CISTR: variants seen among roughly 807,000 people sequenced by gnomAD.
CISTR encodes the protein chondrogenesis-associated transcript.
At chr12:53,748,943 G>A (rs944499430) in intron 2 of CISTR, among the ~76,000 whole-genome samples, 18 of 152,028 alleles carry the variant, frequency 1.2e-4, no homozygotes, top group African/African-American at 2.7e-4. Flanking sequence ...TCAGGTGGGC[G>A]GGGAGGCCTA....
chr12:53,749,341 G>T (rs1937819701), intron 2 of CISTR, among the ~76,000 whole-genome samples: 1 of 151,912 alleles, frequency 6.6e-6, no homozygotes, highest in Non-Finnish European at 1.5e-5. Flanking sequence ...GGAGCAGAGA[G>T]TGCCTCTAAC....
At chr12:53,754,124 A>G (rs913499935) in intron 1 of CISTR, among the ~76,000 whole-genome samples, 9 of 152,098 alleles carry the variant, frequency 5.9e-5, no homozygotes, top group African/African-American at 1.7e-4. Context: ...GGGATGGATA[A>G]TGGGAAGATG....
chr12:53,753,748 G>A (rs191809612), intron 1 of CISTR, among the ~76,000 whole-genome samples: 129 of 152,006 alleles, frequency 8.5e-4, no homozygotes, highest in African/African-American at 3.0e-3. Context: ...TGAGGAGACC[G>A]AGGCAGGGAG....
At chr12:53,754,558 A>C (rs1316526239) in intron 1 of CISTR, 1 of 152,256 alleles carries the variant, frequency 6.6e-6, no homozygotes, top group African/African-American at 2.4e-5. Flanking sequence ...CTATAAAATG[A>C]CAACACTAAT....
intron 1 of CISTR, among the ~76,000 whole-genome samples, chr12:53,755,308 GGTGTGTGTGTGTGT>G (rs3058893): frequency 4.8e-4 from 71 of 147,244 alleles, no homozygotes; most frequent in African/African-American, 1.6e-3. Context: ...TCCTGTTTGG[GGTGTGTGTGTGTGT>G]GTGTGTGTGT....
rs1168988636 is a variant in CISTR, at chr12:53,751,362, C to T, written n.415-397G>A. On this transcript the variant is annotated intron_variant and non_coding_transcript_variant, in intron 1 of 2. Transcript: ENST00000669269. This position sits in a 1 kb window ranked among gnomAD's most constrained non-coding sequence, Gnocchi z 4.6. Reference sequence around the variant, plus strand: ...TCCTTTGGCAGTGGGAAGGGGTGTGCGTGGGTGTCCTCTCCTTCACTCTTT... The same window carrying T: ...TCCTTTGGCAGTGGGAAGGGGTGTGTGTGGGTGTCCTCTCCTTCACTCTTT... 2.0e-5 allele frequency among the ~76,000 whole-genome samples: 3 copies of T among 152,096 alleles called. No individual in the cohort carries two copies. The highest frequency in any genetic ancestry group is 4.4e-5 in the Non-Finnish European group (3 of 67,998).
intron 2 of CISTR, among the ~76,000 whole-genome samples, chr12:53,749,653 C>T (rs1479900633): frequency 6.6e-6 from 1 of 152,126 alleles, no homozygotes. Flanking sequence ...GCTGCAGGTG[C>T]CTGGGTCATT....
intron 2 of CISTR, among the ~76,000 whole-genome samples, chr12:53,749,387 G>A (rs951522519): frequency 6.6e-6 from 1 of 151,756 alleles, no homozygotes; most frequent in Non-Finnish European, 1.5e-5. Flanking sequence ...GAGAGAGGGG[G>A]CTGTTGAGAG....
At chr12:53,750,813 C>CGT (rs770103086) in exon 2 of CISTR, 1 of 152,636 alleles carries the variant, frequency 6.6e-6, no homozygotes. Flanking sequence ...GTTTTGCGCG[C>CGT]GTGTGTGTGT....
intron 2 of CISTR, among the ~76,000 whole-genome samples, chr12:53,747,618 TA>T (rs1371831083): frequency 6.6e-6 from 1 of 152,082 alleles, no homozygotes; most frequent in Non-Finnish European, 1.5e-5. Context: ...GATACTGAGT[TA>T]CTGGGGGTGG....
chr12:53,754,845 G>A (rs1040744191), intron 1 of CISTR, among the ~76,000 whole-genome samples: 1 of 152,062 alleles, frequency 6.6e-6, no homozygotes, highest in Non-Finnish European at 1.5e-5. Context: ...GCACTAAAAG[G>A]ATCTGTTTAC....
chr12:53,752,196 C>CCT (rs1937860446), intron 1 of CISTR, among the ~76,000 whole-genome samples: 1 of 152,228 alleles, frequency 6.6e-6, no homozygotes, highest in Non-Finnish European at 1.5e-5. Context: ...CTCTCTCCAC[C>CCT]CTCTGTCTCT....
intron 1 of CISTR, among the ~76,000 whole-genome samples, chr12:53,754,089 G>A (rs1375792815): frequency 6.6e-6 from 1 of 152,118 alleles, no homozygotes; most frequent in East Asian, 1.9e-4. Context: ...CAAACACAAA[G>A]AGGGAGGAGA....
chr12:53,753,221 A>C (rs1372142400), intron 1 of CISTR, among the ~76,000 whole-genome samples: 1 of 152,112 alleles, frequency 6.6e-6, no homozygotes, highest in Non-Finnish European at 1.5e-5. Flanking sequence ...AGCGAGTCGC[A>C]CACCTTCCCC....
chr12:53,747,876 C>T (rs777644553), intron 2 of CISTR, among the ~76,000 whole-genome samples: 23 of 152,054 alleles, frequency 1.5e-4, no homozygotes, highest in Non-Finnish European at 2.9e-4. Context: ...AAGGTGCTGC[C>T]GGGCTGGGGA....
chr12:53,746,557 C>T (rs1266151637), exon 3 of CISTR, among the ~76,000 whole-genome samples: 2 of 152,034 alleles, frequency 1.3e-5, no homozygotes, highest in Admixed American at 6.5e-5. Context: ...GCTAGGAGAA[C>T]GAGAAATGGA....
exon 3 of CISTR, among the ~76,000 whole-genome samples, chr12:53,746,398 C>A (rs555122697): frequency 2.6e-5 from 4 of 152,098 alleles, no homozygotes; most frequent in African/African-American, 9.6e-5. Context: ...ATGGGAAGAC[C>A]CCTGCGCAGA....
At chr12:53,748,292 C>T (rs908273443) in intron 2 of CISTR, among the ~76,000 whole-genome samples, 21 of 152,308 alleles carry the variant, frequency 1.4e-4, no homozygotes, top group Admixed American at 1.1e-3. Flanking sequence ...AAGCCCTCCG[C>T]GCCAGCGCCC....
chr12:53,750,051 C>T (rs1337942791), intron 2 of CISTR, among the ~76,000 whole-genome samples: 1 of 152,168 alleles, frequency 6.6e-6, no homozygotes, highest in Non-Finnish European at 1.5e-5. Flanking sequence ...AGGGATGAGG[C>T]CTGGCATCTG....
Sources: allele counts gnomAD v4.1 joint callset (sites outside exome capture counted in the v4.1 genomes callset), GRCh38; gene constraint gnomAD v4.1.1; non-coding constraint Gnocchi (gnomAD v3.1); transcripts MANE v1.5; gene names NCBI Gene and HGNC (gene_info 2026-07-23, HGNC 2026-07-21).